The following ZNF816 variants were observed in gnomAD, a reference collection of about 807,000 sequenced individuals.
ZNF816 encodes the protein zinc finger protein 816, also known as zinc finger protein 816A.
In ZNF816, 11 loss-of-function variants were observed where a neutral mutation model predicts 8.3. The observed-to-expected ratio is 1.32, with a 90% confidence interval of 0.83 to 2.19. The LOEUF (loss-of-function observed/expected upper bound fraction) is 2.19. Among genes scored for constraint, ZNF816 ranks in the 30% most tolerant of loss-of-function variants. The probability of loss-of-function intolerance (pLI) is 0.00; values close to 1 mark genes in which losing one functional copy is unlikely to be tolerated. For missense variants in ZNF816, 710 were observed against 779.3 expected, an observed-to-expected ratio of 0.91 and a Z score of 1.06; for synonymous variants, 255 against 254.5, an observed-to-expected ratio of 1.00 and a Z score of -0.02.
chr19:52,951,393 G>C lies in ZNF816; in HGVS notation c.382C>G (p.Pro128Ala). The C allele has an allele frequency of 6.2e-7, 1 of 1,614,032 alleles. No homozygotes were observed. Among genetic ancestry groups the C allele is most frequent in the Non-Finnish European group, 8.5e-7 (1 of 1,179,946 alleles). ...QEVERNGHEA[P>A]MTKIKKLTGS... ...GTCAACTTTTTGATTTTTGTCATGG[G>C]TGCTTCATGGCCATTTCTTTCAACT... The change falls in exon 4 of 4, where the codon CCC becomes GCC. Residue 128 changes from proline to alanine, a missense_variant. Physicochemically the swap from Pro to Ala is conservative, Grantham distance 27. Coordinates refer to ENST00000444460, the MANE Select transcript of ZNF816 (RefSeq NM_001202457.3).
At chr19:52,951,740 A>G (rs2083462400) in intron 3 of ZNF816, 156 bp from the exon 4 acceptor site, 1 of 742,440 alleles carries the variant, frequency 1.3e-6, no homozygotes, top group South Asian at 2.7e-5. Flanking sequence ...TCTACTGAAC[A>G]TACAAAAATT....
In ZNF816 at chr19:52,949,828, TAA is replaced by T; in HGVS notation, c.1945_1946del (p.Leu649ThrfsTer31). 1.2e-6 allele frequency: 2 copies of T among 1,613,408 alleles called. No individual in the cohort carries two copies. The highest frequency in any genetic ancestry group is 1.7e-4 in the Middle Eastern group (1 of 6,052). ...HQAIHGCRET[L>X]QM Reference sequence around the variant, plus strand: ...GACTTTGTGACAATCATTACATTTGTAAAGTTTCCCTACACCCATGGATTGCT... The same window carrying T: ...GACTTTGTGACAATCATTACATTTGTAGTTTCCCTACACCCATGGATTGCT... On this transcript the variant is annotated frameshift_variant, in exon 4 of 4. Coordinates refer to ENST00000444460, the MANE Select transcript of ZNF816 (RefSeq NM_001202457.3). LOFTEE classifies it high-confidence loss of function.
In ZNF816 at chr19:52,951,215, G is replaced by A. The variant is rs777398296; in HGVS notation, c.560C>T (p.Ser187Phe). 6 of 1,566,196 alleles carry A rather than the reference G, an allele frequency of 3.8e-6. No individual in the cohort carries two copies. The highest frequency in any genetic ancestry group is 4.4e-5 in the African/African-American group (2 of 45,834). ...SNQLDKSIGA[S>F]SASESQRISC... The stretch of plus-strand genomic sequence containing the variant: ...AATTCTTTGGGATTCTGAAGCTGAG[G>A]AAGCACCGATAGACTTGTCCAATTG... The change falls in exon 4 of 4, where the codon TCC (serine) becomes TTC (phenylalanine). Residue 187 changes from serine (S) to phenylalanine (F), a missense_variant. By Grantham distance (155) the Ser-to-Phe change is radical (BLOSUM62 -2). Transcript: ENST00000444460.
At chr19:52,952,610 A>G in intron 3 of ZNF816, 141 bp downstream of exon 3, 6 of 1,481,554 alleles carry the variant, frequency 4.0e-6, no homozygotes, top group Non-Finnish European at 5.4e-6. Flanking sequence ...CATGACAGAT[A>G]GGAGGGTCAT....
chr19:52,952,289 G>T (rs1319921694), intron 3 of ZNF816, among the ~76,000 whole-genome samples: 2 of 151,936 alleles, frequency 1.3e-5, no homozygotes, highest in African/African-American at 2.4e-5. Flanking sequence ...AGAATTGCTT[G>T]AACTCAGGAT....
Position 52,950,765 on chromosome 19 carries a change from C to A in ZNF816, c.1010G>T (p.Gly337Val). Residue 337 changes from glycine (G) to valine (V), a missense_variant, in exon 4 of 4, where the codon GGA (glycine) becomes GTA (valine). Physicochemically the swap from Gly to Val is moderately radical, Grantham distance 109 (BLOSUM62 -3). Transcript: ENST00000444460. ...SLRCHRRLHT[G>V]EKPYKCNECG... ...CTCATTACACTTGTAAGGTTTCTCTCCAGTATGAAGTCTACGATGGCATCT... is the reference window on the plus strand; with the variant it reads ...CTCATTACACTTGTAAGGTTTCTCTACAGTATGAAGTCTACGATGGCATCT... 6.2e-7 allele frequency: 1 copy of A among 1,613,800 alleles called. No individual in the cohort carries two copies. Among genetic ancestry groups the A allele is most frequent in the East Asian group, 2.2e-5 (1 of 44,868 alleles).
rs909456225 is a variant in ZNF816, at chr19:52,950,597, C to T, written c.1178G>A (p.Gly393Glu). The T allele has an allele frequency of 6.2e-7, 1 of 1,614,160 alleles. No homozygotes were observed. The highest frequency in any genetic ancestry group is 2.2e-5 in the East Asian group (1 of 44,860). ...SLQCHHILHTGEKPYKCEECD... is the reference protein window; with the variant it reads ...SLQCHHILHTEEKPYKCEECD... ...TTCTTCACATTTGTAAGGTTTCTCTCCAGTGTGAAGTATATGATGGCATTG... is the reference window on the plus strand; with the variant it reads ...TTCTTCACATTTGTAAGGTTTCTCTTCAGTGTGAAGTATATGATGGCATTG... Residue 393 changes from glycine (G) to glutamate (E), a missense_variant, in exon 4 of 4, where the codon GGA (glycine) becomes GAA (glutamate). Physicochemically the swap from Gly to Glu is moderately conservative, Grantham distance 98. Coordinates refer to ENST00000444460, the MANE Select transcript of ZNF816 (RefSeq NM_001202457.3).
Position 52,951,594 on chromosome 19 carries a change from A to C in ZNF816, c.191-10T>G. The stretch of plus-strand genomic sequence containing the variant: ...GATTTTAAAGAGCTATCTAAAAAAT[A>C]TAAAGACCAATAGGTTTCCAATTAA... On this transcript the variant is annotated splice_polypyrimidine_tract_variant and intron_variant, in intron 3 of 3. Coordinates refer to ENST00000444460, the MANE Select transcript of ZNF816 (RefSeq NM_001202457.3). 4 of 1,526,016 alleles carry C rather than the reference A, an allele frequency of 2.6e-6. No homozygotes were observed. Among genetic ancestry groups the C allele is most frequent in the Non-Finnish European group, 3.5e-6 (4 of 1,140,532 alleles). The allele number at this position is 1,526,016 out of a possible 1,614,324, so 94.5% of individuals were successfully genotyped here.
intron 2 of ZNF816, 54 bp downstream of exon 2, chr19:52,955,973 C>A: frequency 6.3e-7 from 1 of 1,577,360 alleles, no homozygotes; most frequent in Non-Finnish European, 8.6e-7. Context: ...ACTACAATAC[C>A]TGGCACTTCA....
At chr19:52,958,406 C>A (rs912317327) in intron 1 of ZNF816, among the ~76,000 whole-genome samples, 1 of 152,142 alleles carries the variant, frequency 6.6e-6, no homozygotes, top group African/African-American at 2.4e-5. Flanking sequence ...GTAGGAAGAT[C>A]TGGGATCAGG....
Position 52,951,254 on chromosome 19 carries a change from C to T in ZNF816, c.521G>A (p.Gly174Glu). 6.2e-7 allele frequency: 1 copy of T among 1,614,104 alleles called. No homozygotes were observed. Among genetic ancestry groups the T allele is most frequent in the Non-Finnish European group, 8.5e-7 (1 of 1,180,016 alleles). Residue 174 changes from glycine (G) to glutamate (E), a missense_variant, in exon 4 of 4, where the codon GGG becomes GAG. Gly to Glu is a moderately conservative substitution (Grantham distance 98). Transcript: ENST00000444460. ...CTTGTCCAATTGGTTACTAATTTTC[C>T]CTTTAGTCTGAAACATGTGGAGTTC... Reference protein sequence around the residue: ...LPELHMFQTKGKISNQLDKSI... With the variant: ...LPELHMFQTKEKISNQLDKSI...
Position 52,950,739 on chromosome 19 carries a change from A to G in ZNF816, c.1036T>C (p.Cys346Arg). The change falls in exon 4 of 4, where the codon TGT becomes CGT. Residue 346 changes from cysteine to arginine, a missense_variant. Coordinates refer to ENST00000444460, the MANE Select transcript of ZNF816 (RefSeq NM_001202457.3). ...TGEKPYKCNE[C>R]GKTFGRNSAL... The stretch of plus-strand genomic sequence containing the variant: ...GAATTTCGACCAAAAGTCTTGCCAC[A>G]CTCATTACACTTGTAAGGTTTCTCT... 1.2e-6 allele frequency: 2 copies of G among 1,614,150 alleles called. No individual in the cohort carries two copies. The highest frequency in any genetic ancestry group is 1.7e-6 in the Non-Finnish European group (2 of 1,180,036).
rs777538103 is a variant in ZNF816 at position 52,951,108 on chromosome 19, A to G, written c.667T>C (p.Cys223Arg). 3.1e-6 allele frequency: 5 copies of G among 1,613,894 alleles called. No homozygotes were observed. The African/African-American group carries it at 5.3e-5, about 17-fold the overall frequency. ...CTTTGGCAAGGTTTTTCTCTCATGC[A>G]TATTTCCTGTATTTGTGTGAATGAA... ...HSSFTQIQEI[C>R]MREKPCQSNE... Residue 223 changes from cysteine to arginine, a missense_variant, in exon 4 of 4, where the codon TGC becomes CGC. Transcript: ENST00000444460.
intron 1 of ZNF816, among the ~76,000 whole-genome samples, chr19:52,961,140 T>C (rs1038378531): frequency 2.0e-5 from 3 of 152,166 alleles, no homozygotes; most frequent in Admixed American, 2.0e-4. Flanking sequence ...TTCCACTCAA[T>C]ACAAGGTACG....
At chr19:52,951,727 G>A in intron 3 of ZNF816, 143 bp from the exon 4 acceptor site, 1 of 829,898 alleles carries the variant, frequency 1.2e-6, no homozygotes. Flanking sequence ...AGAACACACT[G>A]TCTCTACTGA....
chr19:52,961,946 A>T (rs920176026), intron 1 of ZNF816, among the ~76,000 whole-genome samples: 8 of 152,202 alleles, frequency 5.3e-5, no homozygotes, highest in African/African-American at 1.4e-4. Context: ...AACCTCAGTT[A>T]TTAGACAATA....
At chr19:52,953,255 TG>T in intron 2 of ZNF816, 1 of 271,420 alleles carries the variant, frequency 3.7e-6, no homozygotes. Context: ...AAACCAGGTG[TG>T]GTGGCACACG....
In ZNF816 at chr19:52,949,729, ACATT is replaced by A; in HGVS notation, c.*86_*89del. The A allele has an allele frequency of 1.9e-6, 3 of 1,595,316 alleles. No homozygotes were observed. Among genetic ancestry groups the A allele is most frequent in the Non-Finnish European group, 1.7e-6 (2 of 1,167,280 alleles). On this transcript the variant is annotated 3_prime_UTR_variant, in exon 4 of 4. Coordinates refer to ENST00000444460, the MANE Select transcript of ZNF816 (RefSeq NM_001202457.3). ...ATGAATGACGTCTGAAAAATTTGCC[ACATT>A]TATTACACTTGTAGATCTCTCTTCA...
Position 52,950,009 on chromosome 19 carries a change from C to G in ZNF816, c.1766G>C (p.Gly589Ala), listed in dbSNP as rs202001121. The stretch of plus-strand genomic sequence containing the variant: ...TTCATTACACTTGTAAGGTTTCTCT[C>G]CAGTATGAACTCTCTGATGTTGTGC... Reference protein sequence around the residue: ...ILAQHQRVHTGEKPYKCNECG... With the variant: ...ILAQHQRVHTAEKPYKCNECG... Residue 589 changes from glycine (G) to alanine (A), a missense_variant, in exon 4 of 4, where the codon GGA becomes GCA. Gly to Ala is a moderately conservative substitution (Grantham distance 60). Coordinates refer to ENST00000444460, the MANE Select transcript of ZNF816 (RefSeq NM_001202457.3). 1 of 1,613,936 alleles carries G rather than the reference C, an allele frequency of 6.2e-7. No individual in the cohort carries two copies. Among genetic ancestry groups the G allele is most frequent in the East Asian group, 2.2e-5 (1 of 44,864 alleles).
Sources: allele counts gnomAD v4.1 joint callset (sites outside exome capture counted in the v4.1 genomes callset), GRCh38; gene constraint gnomAD v4.1.1; transcripts MANE v1.5; gene names NCBI Gene and HGNC (gene_info 2026-07-23, HGNC 2026-07-21).